The following MAML1 variants were observed in gnomAD, a reference collection of about 807,000 sequenced individuals.
MAML1 encodes mastermind-like protein 1.
A neutral mutation model predicts 77.1 loss-of-function variants in MAML1; 14 were observed. The observed-to-expected ratio is 0.18, with a 90% CI of 0.12 to 0.28. The LOEUF (loss-of-function observed/expected upper bound fraction) is 0.28. Ranked by LOEUF, MAML1 falls within the 10% of genes least tolerant of loss-of-function variation. The pLI, the probability that MAML1 is intolerant of heterozygous loss-of-function variation, is 1.00. For synonymous variants in MAML1, 516 were observed against 551.9 expected, an observed-to-expected ratio of 0.93 and a Z score of 0.91; for missense variants, 1,217 against 1,327.8, an observed-to-expected ratio of 0.92 and a Z score of 1.30.
rs554707259 is a variant in MAML1 at position 179,766,959 on chromosome 5, A to T, written c.1731+218A>T. On this transcript the variant is annotated intron_variant, in intron 2 of 4. Coordinates refer to ENST00000292599, the MANE Select transcript of MAML1 (RefSeq NM_014757.5). The surrounding 1 kb of genome is among the most constrained non-coding windows in gnomAD (Gnocchi z 4.0). ...TAAAGTTCCCTGGCATAGCTTGATT[A>T]TTAACTGCACGAAGGTTTCAGGAAT... 2.0e-5 allele frequency among the ~76,000 whole-genome samples: 3 copies of T among 152,332 alleles called. No homozygotes were observed. The highest frequency in any genetic ancestry group is 4.1e-4 in the South Asian group (2 of 4,828).
In MAML1 at chr5:179,776,549, G is replaced by A; in HGVS notation, c.*1672G>A. ...TGTACTCAGTTTAGCTCTCAAAGAA[G>A]GGGTGAATCATAAAGCCAGTGAAAA... On this transcript the variant is annotated 3_prime_UTR_variant, in exon 5 of 5. Coordinates refer to ENST00000292599, the MANE Select transcript of MAML1 (RefSeq NM_014757.5). 1.2e-5 allele frequency: 12 copies of A among 985,670 alleles called. No homozygotes were observed. Among genetic ancestry groups the A allele is most frequent in the Non-Finnish European group, 1.4e-5 (12 of 829,934 alleles). 61.1% of individuals were successfully genotyped at this position (985,670 alleles called of 1,614,324 possible). A position where few individuals can be genotyped will look rare whatever the true frequency, so the allele number is the denominator to read the frequency against.
rs1046134386 is a variant in MAML1, at chr5:179,766,970, G to A, written c.1731+229G>A. 2.6e-5 allele frequency among the ~76,000 whole-genome samples: 4 copies of A among 152,266 alleles called. No homozygotes were observed. Among genetic ancestry groups the A allele is most frequent in the South Asian group, 2.1e-4 (1 of 4,826 alleles). On this transcript the variant is annotated intron_variant, in intron 2 of 4. Coordinates refer to ENST00000292599, the MANE Select transcript of MAML1 (RefSeq NM_014757.5). This position sits in a 1 kb window ranked among gnomAD's most constrained non-coding sequence, Gnocchi z 4.0. ...GGCATAGCTTGATTATTAACTGCAC[G>A]AAGGTTTCAGGAATCACCTGCATTT...
In MAML1 at chr5:179,771,136, G is replaced by A. The variant is rs578022305; in HGVS notation, c.1972-11G>A. 2.5e-6 allele frequency: 4 copies of A among 1,609,568 alleles called. No individual in the cohort carries two copies. The African/African-American group carries it at 5.3e-5, about 21-fold the overall frequency. The stretch of plus-strand genomic sequence containing the variant: ...TGTTGGTTTTGTTTTGTTGTTCTTG[G>A]CATTTTCTAGGAGAAGCAACAGTTT... On this transcript the variant is annotated splice_polypyrimidine_tract_variant and intron_variant, in intron 3 of 4. Coordinates refer to ENST00000292599, the MANE Select transcript of MAML1 (RefSeq NM_014757.5). This position sits in a 1 kb window ranked among gnomAD's most constrained non-coding sequence, Gnocchi z 4.7.
chr5:179,776,004 C>G lies in MAML1; in HGVS notation c.*1127C>G. 1.0e-6 allele frequency: 1 copy of G among 985,800 alleles called. No homozygotes were observed. Among genetic ancestry groups the G allele is most frequent in the Non-Finnish European group, 1.2e-6 (1 of 829,922 alleles). The allele number at this position is 985,800 out of a possible 1,614,324, so 61.1% of individuals were successfully genotyped here. A position where few individuals can be genotyped will look rare whatever the true frequency, so the allele number is the denominator to read the frequency against. On this transcript the variant is annotated 3_prime_UTR_variant, in exon 5 of 5. Coordinates refer to ENST00000292599, the MANE Select transcript of MAML1 (RefSeq NM_014757.5). ...CCACTCCCATGTCAGATGACTTGCA[C>G]TTCTTAAAGAGATTGCTTTATAACA...
intron 1 of MAML1, among the ~76,000 whole-genome samples, chr5:179,759,524 A>G (rs999283204): frequency 5.3e-5 from 8 of 152,192 alleles, no homozygotes; most frequent in African/African-American, 1.9e-4. Flanking sequence ...TTTGTGCTTT[A>G]TCAAATTAAC....
Position 179,766,811 on chromosome 5 carries a change from T to C in MAML1, c.1731+70T>C, listed in dbSNP as rs527367242. ...CAGTGAGGTTACTCACTACTTTGGA[T>C]GTTAATTGGATCCGAGGTAGTTGTG... On this transcript the variant is annotated intron_variant, in intron 2 of 4. Coordinates refer to ENST00000292599, the MANE Select transcript of MAML1 (RefSeq NM_014757.5). The surrounding 1 kb of genome is among the most constrained non-coding windows in gnomAD (Gnocchi z 4.0). The C allele has an allele frequency of 7.7e-7, 1 of 1,298,992 alleles. No individual in the cohort carries two copies. The allele number at this position is 1,298,992 out of a possible 1,614,324, so 80.5% of individuals were successfully genotyped here. A position where few individuals can be genotyped will look rare whatever the true frequency, so the allele number is the denominator to read the frequency against.
Position 179,776,971 on chromosome 5 carries a change from A to G in MAML1, c.*2094A>G. ...GGGTGCTCAGACTTTTGTTATACACATTTGCTTTGTGTAAATAAATGTTTA... is the reference window on the plus strand; with the variant it reads ...GGGTGCTCAGACTTTTGTTATACACGTTTGCTTTGTGTAAATAAATGTTTA... On this transcript the variant is annotated 3_prime_UTR_variant, in exon 5 of 5. Transcript: ENST00000292599. 1 of 985,556 alleles carries G rather than the reference A, an allele frequency of 1.0e-6. No homozygotes were observed. Among genetic ancestry groups the G allele is most frequent in the Non-Finnish European group, 1.2e-6 (1 of 829,676 alleles). The allele number at this position is 985,556 out of a possible 1,614,324, so 61.1% of individuals were successfully genotyped here.
At position 179,774,636 on chromosome 5, in the gene MAML1, A is replaced by G; in HGVS notation, c.2810A>G (p.Glu937Gly). 1 of 1,611,358 alleles carries G rather than the reference A, an allele frequency of 6.2e-7. No homozygotes were observed. Residue 937 changes from glutamate to glycine, a missense_variant, in exon 5 of 5, where the codon GAG (glutamate) becomes GGG (glycine). Coordinates refer to ENST00000292599, the MANE Select transcript of MAML1 (RefSeq NM_014757.5). ...GLPGLSPAGP[E>G]LGAFSQSPAS... Reference sequence around the variant, plus strand: ...CCTGGCCTGAGCCCAGCAGGGCCTGAGCTGGGGGCCTTCAGCCAGAGCCCT... The same window carrying G: ...CCTGGCCTGAGCCCAGCAGGGCCTGGGCTGGGGGCCTTCAGCCAGAGCCCT...
chr5:179,737,648 G>A (rs1779192810), intron 1 of MAML1, among the ~76,000 whole-genome samples: 1 of 152,146 alleles, frequency 6.6e-6, no homozygotes, highest in African/African-American at 2.4e-5. Flanking sequence ...CAGATTTACT[G>A]CTAGAGTTTA....
intron 1 of MAML1, among the ~76,000 whole-genome samples, chr5:179,764,070 C>G (rs1779767990): frequency 6.6e-6 from 1 of 152,068 alleles, no homozygotes; most frequent in African/African-American, 2.4e-5. Context: ...GTCTTCTGTC[C>G]CCTTCCCATC....
At chr5:179,744,204 A>C (rs1338948262) in intron 1 of MAML1, among the ~76,000 whole-genome samples, 3 of 152,166 alleles carry the variant, frequency 2.0e-5, no homozygotes, top group Non-Finnish European at 4.4e-5. Context: ...TTCTTCTTCA[A>C]GATGGAGTCT....
chr5:179,752,608 T>TG (rs1779517120), intron 1 of MAML1, among the ~76,000 whole-genome samples: 1 of 129,816 alleles, frequency 7.7e-6, no homozygotes, highest in African/African-American at 2.9e-5. Context: ...CTTTTTTTTT[T>TG]TTTTTTTTTT....
At chr5:179,758,353 T>C (rs1237468278) in intron 1 of MAML1, among the ~76,000 whole-genome samples, 1 of 152,082 alleles carries the variant, frequency 6.6e-6, no homozygotes, top group Non-Finnish European at 1.5e-5. Flanking sequence ...AGCAGGAATT[T>C]TAGAACGTTT....
chr5:179,757,978 C>T (rs1357518076), intron 1 of MAML1, among the ~76,000 whole-genome samples: 1 of 152,228 alleles, frequency 6.6e-6, no homozygotes, highest in Non-Finnish European at 1.5e-5. Context: ...ATACTGATAT[C>T]AGATTCCTGG....
At chr5:179,770,243 T>G (rs1266603286) in intron 3 of MAML1, among the ~76,000 whole-genome samples, 1 of 151,938 alleles carries the variant, frequency 6.6e-6, no homozygotes, top group African/African-American at 2.4e-5. Flanking sequence ...GGTCAGGAGA[T>G]CAAGACCATC....
chr5:179,777,222 A>G lies in MAML1; in HGVS notation c.*2345A>G. On this transcript the variant is annotated 3_prime_UTR_variant, in exon 5 of 5. Transcript: ENST00000292599. The stretch of plus-strand genomic sequence containing the variant: ...GCCCTTAACTCTGGTATACACCAAA[A>G]AGAAATCTTTACTTTCCTTGTTTTA... 20 of 968,312 alleles carry G rather than the reference A, an allele frequency of 2.1e-5. No homozygotes were observed. The highest frequency in any genetic ancestry group is 2.2e-5 in the Non-Finnish European group (18 of 814,176). 60.0% of individuals were successfully genotyped at this position (968,312 alleles called of 1,614,324 possible).
chr5:179,775,932 G>A lies in MAML1; in HGVS notation c.*1055G>A, dbSNP rs1478899956. On this transcript the variant is annotated 3_prime_UTR_variant, in exon 5 of 5. Transcript: ENST00000292599. The stretch of plus-strand genomic sequence containing the variant: ...CATAAAGGTTTTGGGGAAGGAGGCC[G>A]TAGGCCGGCCCGGAGGAAGCAATTC... The A allele has an allele frequency of 1.1e-5, 11 of 985,602 alleles. No individual in the cohort carries two copies. Among genetic ancestry groups the A allele is most frequent in the Middle Eastern group, 5.2e-4 (1 of 1,936 alleles). The allele number at this position is 985,602 out of a possible 1,614,324, so 61.1% of individuals were successfully genotyped here. A position where few individuals can be genotyped will look rare whatever the true frequency, so the allele number is the denominator to read the frequency against.
chr5:179,753,021 T>C (rs766977093), intron 1 of MAML1, among the ~76,000 whole-genome samples: 10 of 152,230 alleles, frequency 6.6e-5, no homozygotes, highest in Non-Finnish European at 1.0e-4. Context: ...GATCCGCCCG[T>C]CTTGGCCTCC....
intron 1 of MAML1, among the ~76,000 whole-genome samples, chr5:179,738,687 C>T (rs1275733424): frequency 6.6e-6 from 1 of 152,182 alleles, no homozygotes; most frequent in African/African-American, 2.4e-5. Context: ...CTCATTTACT[C>T]ATTAGCCTAT....
Sources: gnomAD v4.1 joint callset for allele counts (sites outside exome capture counted in the v4.1 genomes callset) on GRCh38, gnomAD v4.1.1 for gene constraint, Gnocchi (gnomAD v3.1) non-coding constraint, MANE v1.5 for transcripts, NCBI Gene and HGNC (gene_info 2026-07-23, HGNC 2026-07-21) for gene names.